SV2C: variants seen among roughly 807,000 people sequenced by gnomAD.
SV2C encodes the protein solute carrier family 22 member B3.
A neutral mutation model predicts 79.7 loss-of-function variants in SV2C; 49 were observed. The ratio of observed to expected loss-of-function variants is 0.61; its 90% CI spans 0.49 to 0.78. The LOEUF (loss-of-function observed/expected upper bound fraction) is 0.78, where lower values mean the gene tolerates loss of function less well. SV2C is among the 30% of genes least tolerant of loss of function. The probability of loss-of-function intolerance (pLI) is 0.00; values close to 1 mark genes in which losing one functional copy is unlikely to be tolerated. For missense variants in SV2C, 833 were observed against 912.9 expected, an observed-to-expected ratio of 0.91 and a Z score of 1.13; for synonymous variants, 334 against 333.2, an observed-to-expected ratio of 1.00 and a Z score of -0.03.
chr5:76,050,777 A>G, the SV2C span, among the ~76,000 whole-genome samples: 1 of 152,214 alleles, frequency 6.6e-6, no homozygotes, highest in Non-Finnish European at 1.5e-5. Context: ...GATCTGTAAC[A>G]ATTCAGAATT....
the SV2C span, among the ~76,000 whole-genome samples, chr5:75,858,237 G>T: frequency 6.6e-6 from 1 of 152,036 alleles, no homozygotes; most frequent in Non-Finnish European, 1.5e-5. Context: ...GCTAGGTGTG[G>T]GTCTATTGTA....
chr5:76,045,254 T>G, the SV2C span, among the ~76,000 whole-genome samples: 1 of 152,176 alleles, frequency 6.6e-6, no homozygotes, highest in East Asian at 1.9e-4. Flanking sequence ...AGATCCCTAT[T>G]CTGTTCCATT....
chr5:75,928,323 G>C, the SV2C span, among the ~76,000 whole-genome samples: 2 of 152,092 alleles, frequency 1.3e-5, 1 homozygote, highest in African/African-American at 4.8e-5. Context: ...TCATTGTTTA[G>C]CTCTCTCATT....
the SV2C span, among the ~76,000 whole-genome samples, chr5:75,885,604 A>C: frequency 6.6e-6 from 1 of 152,110 alleles, no homozygotes; most frequent in Non-Finnish European, 1.5e-5. Flanking sequence ...AAAAGTATTC[A>C]CAGGCAAAAA....
chr5:76,036,460 CA>C, the SV2C span, among the ~76,000 whole-genome samples: 1 of 152,008 alleles, frequency 6.6e-6, no homozygotes. Context: ...AATCTCTCAG[CA>C]TTTGCTTGTC....
At chr5:76,171,787 C>T (rs1202151639) in intron 2 of SV2C, among the ~76,000 whole-genome samples, 34 of 127,560 alleles carry the variant, frequency 2.7e-4, no homozygotes, top group African/African-American at 9.0e-4. Context: ...CCCGGCCAGC[C>T]GCCCCGTCCG....
the SV2C span, among the ~76,000 whole-genome samples, chr5:75,857,092 G>T: frequency 6.6e-6 from 1 of 151,744 alleles, no homozygotes; most frequent in Non-Finnish European, 1.5e-5. Context: ...CAAGTAGCTG[G>T]GACTACAGGT....
intron 3 of SV2C, among the ~76,000 whole-genome samples, chr5:76,199,292 C>T (rs903696728): frequency 6.6e-6 from 1 of 152,136 alleles, no homozygotes; most frequent in East Asian, 1.9e-4. Context: ...AGAAAAACTA[C>T]GTGAAATAAC....
At chr5:76,283,801 G>C (rs758024068) in intron 4 of SV2C, among the ~76,000 whole-genome samples, 4 of 152,164 alleles carry the variant, frequency 2.6e-5, no homozygotes, top group Non-Finnish European at 5.9e-5. Flanking sequence ...GAATGAGTAA[G>C]CATGCACACA....
the SV2C span, among the ~76,000 whole-genome samples, chr5:76,032,041 T>G: frequency 6.6e-6 from 1 of 152,162 alleles, no homozygotes. Flanking sequence ...TCTACATATA[T>G]TTGTTTCTAT....
In SV2C at chr5:76,325,624, A is replaced by C; in HGVS notation, c.*77A>C. On this transcript the variant is annotated 3_prime_UTR_variant, in exon 13 of 13. Transcript: ENST00000502798. ...TCTCCTTCCTGACTCAAGGCTTCAG[A>C]GTTTTCCTATATAGAAAGGTGATCA... The C allele has an allele frequency of 6.4e-7, 1 of 1,561,708 alleles. No homozygotes were observed. The highest frequency in any genetic ancestry group is 2.0e-5 in the Admixed American group (1 of 50,674).
chr5:75,897,380 A>T, the SV2C span, among the ~76,000 whole-genome samples: 2 of 151,512 alleles, frequency 1.3e-5, no homozygotes, highest in Admixed American at 6.6e-5. Context: ...ATAGTTGTAG[A>T]TATGCGGCGT....
chr5:76,173,679 T>G, intron 2 of SV2C: 1 of 1,613,684 alleles, frequency 6.2e-7, no homozygotes, highest in East Asian at 2.2e-5. Context: ...GGCACTGGAG[T>G]TTTTCTGTTA....
intron 4 of SV2C, among the ~76,000 whole-genome samples, chr5:76,273,350 T>C (rs1479576434): frequency 6.6e-6 from 1 of 152,006 alleles, no homozygotes; most frequent in African/African-American, 2.4e-5. Flanking sequence ...AGACTCATCA[T>C]TTCTCTCACT....
Position 76,301,443 on chromosome 5 carries a change from A to T in SV2C, c.1898A>T (p.Glu633Val). The change falls in exon 12 of 13, where the codon GAA (glutamate) becomes GTA (valine). Residue 633 changes from glutamate (E) to valine (V), a missense_variant. Transcript: ENST00000502798. ...TTCTTCCTTTGGTTCGGCACCAGTGAATCCATGATGATAGGCATGCTGTGT... is the reference window on the plus strand; with the variant it reads ...TTCTTCCTTTGGTTCGGCACCAGTGTATCCATGATGATAGGCATGCTGTGT... ...SCFFLWFGTS[E>V]SMMIGMLCLY... is the part of the protein sequence containing the mutation. 1.2e-6 allele frequency: 2 copies of T among 1,614,028 alleles called. No individual in the cohort carries two copies. Among genetic ancestry groups the T allele is most frequent in the Non-Finnish European group, 1.7e-6 (2 of 1,179,974 alleles).
At chr5:76,335,711 CAT>C (rs1437498039), downstream of SV2C, among the ~76,000 whole-genome samples, 5 of 152,138 alleles carry the variant, frequency 3.3e-5, no homozygotes, top group Non-Finnish European at 7.3e-5. Flanking sequence ...GGACACAGCA[CAT>C]GTTTCAGAGA....
chr5:75,950,545 G>A, the SV2C span, among the ~76,000 whole-genome samples: 2 of 151,884 alleles, frequency 1.3e-5, no homozygotes, highest in South Asian at 4.1e-4. Flanking sequence ...TTATTGTAAT[G>A]ATACTACAAT....
chr5:76,193,230 G>A (rs777901425), intron 2 of SV2C, among the ~76,000 whole-genome samples: 18 of 152,140 alleles, frequency 1.2e-4, no homozygotes, highest in Admixed American at 6.6e-4. Context: ...TTCTGCCTTC[G>A]TTTTTGATAA....
At chr5:75,924,185 C>T in the SV2C span, among the ~76,000 whole-genome samples, 2 of 152,008 alleles carry the variant, frequency 1.3e-5, no homozygotes, top group Admixed American at 1.3e-4. Flanking sequence ...TATGTTCTCC[C>T]TTAGAAGTGG....
Sources: gnomAD v4.1 joint callset for allele counts (sites outside exome capture counted in the v4.1 genomes callset) on GRCh38, gnomAD v4.1.1 for gene constraint, MANE v1.5 for transcripts, NCBI Gene and HGNC (gene_info 2026-07-23, HGNC 2026-07-21) for gene names.